BTBD8: variants seen among roughly 807,000 people sequenced by gnomAD.
BTBD8 encodes BTB domain containing 8, also known as BTB/POZ domain-containing protein 8.
BTBD8 carries 110 observed loss-of-function variants against 162.9 expected under a neutral mutation model. That is an observed-to-expected ratio of 0.68 (90% CI 0.58 to 0.79). The LOEUF (loss-of-function observed/expected upper bound fraction) is 0.79, where lower values mean the gene tolerates loss of function less well. Among genes scored for constraint, BTBD8 ranks in the 30% least tolerant of loss-of-function variants. The pLI is 0.00. For missense variants in BTBD8, 1,905 were observed against 2,085.4 expected (o/e 0.91, Z 1.68); for synonymous variants, 667 against 716.1 (o/e 0.93, Z 1.10).
In BTBD8 at chr1:92,115,622, C is replaced by G. The variant is rs143931495; in HGVS notation, c.662+7621C>G. 2.9e-3 allele frequency: 1,109 copies of G among 388,396 alleles called. 30 individuals carry two copies. Among genetic ancestry groups the G allele is most frequent in the African/African-American group, 0.021 (1,014 of 47,318 alleles). The allele number at this position is 388,396 out of a possible 1,614,324, so 24.1% of individuals were successfully genotyped here. A position where few individuals can be genotyped will look rare whatever the true frequency, so the allele number is the denominator to read the frequency against. ...TGATGTCAAGCTTCCTGTTTTCAGC[C>G]TTGACGATGCCGTGGAACTTGGCCA... On this transcript the variant is annotated intron_variant, in intron 4 of 17. Transcript: ENST00000636805.
At chr1:92,147,147 A>G in intron 7 of BTBD8, 33 bp from the exon 8 acceptor site, 1 of 1,483,156 alleles carries the variant, frequency 6.7e-7, no homozygotes, top group Non-Finnish European at 9.2e-7. Context: ...TAAATTGAAA[A>G]GGAATAAATA....
At chr1:92,118,803 C>CTTTTTTTTTTTTTTCTTTT (rs1649111805) in intron 4 of BTBD8, among the ~76,000 whole-genome samples, 1 of 95,282 alleles carries the variant, frequency 1.0e-5, no homozygotes, top group Non-Finnish European at 1.9e-5. Flanking sequence ...TTCTTTCTTT[C>CTTTTTTTTTTTTTTCTTTT]TTTTTTTTTT....
chr1:92,177,437 A>G lies in BTBD8; in HGVS notation c.2244A>G (p.Glu748=), dbSNP rs1466830883. The part of the protein sequence containing the change: ...ISTECLDEPK[E]NGSTEEEKPS... ...CTGAATGTCTGGATGAACCGAAAGA[A>G]AATGGATCAACAGAAGAAGAAAAGC... Residue 748 remains glutamate, a synonymous_variant, in exon 14 of 18, where the codon GAA becomes GAG. Transcript: ENST00000636805. The G allele has an allele frequency of 6.4e-7, 1 of 1,551,740 alleles. No homozygotes were observed. Among genetic ancestry groups the G allele is most frequent in the Admixed American group, 2.0e-5 (1 of 51,012 alleles).
At chr1:92,141,271 A>G (rs1043650167) in intron 7 of BTBD8, 60 bp downstream of exon 7, 5 of 1,499,558 alleles carry the variant, frequency 3.3e-6, no homozygotes, top group African/African-American at 1.4e-5. Context: ...ATTACCTGCT[A>G]GATTTTTAAC....
rs563717718 is a variant in BTBD8, at chr1:92,184,439, C to T, written c.*109C>T. The T allele has an allele frequency of 1.7e-4, 113 of 666,736 alleles. 2 individuals are homozygous for T. In the South Asian group the frequency reaches 2.4e-3, roughly 14 times the overall value. 41.3% of individuals were successfully genotyped at this position (666,736 alleles called of 1,614,324 possible). ...ATATAAACTTTCTTTAATATTGAGT[C>T]TTTCCAATTTAATGAGGTAAACATA... On this transcript the variant is annotated 3_prime_UTR_variant, in exon 18 of 18. Transcript: ENST00000636805.
intron 9 of BTBD8, among the ~76,000 whole-genome samples, chr1:92,162,001 CTTTT>C (rs900079794): frequency 7.7e-4 from 116 of 150,600 alleles, no homozygotes; most frequent in African/African-American, 2.7e-3. Flanking sequence ...CCCCTTCTTT[CTTTT>C]GTTTTCTAGT....
At chr1:92,125,143 A>T (rs531480970) in intron 4 of BTBD8, among the ~76,000 whole-genome samples, 1 of 152,308 alleles carries the variant, frequency 6.6e-6, no homozygotes, top group East Asian at 1.9e-4. Context: ...GTTGTTAATT[A>T]AAGAGCCTTT....
intron 4 of BTBD8, among the ~76,000 whole-genome samples, chr1:92,111,467 CATT>C (rs1648892175): frequency 6.6e-6 from 1 of 152,112 alleles, no homozygotes; most frequent in South Asian, 2.1e-4. Context: ...GTCCGAAGAT[CATT>C]GTTTTGTATG....
rs386367663 is a variant in BTBD8 at position 92,183,756 on chromosome 1, T to TG, written c.4913-108_4913-107insG. 3.7e-5 allele frequency: 6 copies of TG among 160,008 alleles called. No homozygotes were observed. The African/African-American group carries it at 7.1e-4, about 19-fold the overall frequency. The allele number at this position is 160,008 out of a possible 1,614,324, so 9.9% of individuals were successfully genotyped here. A position where few individuals can be genotyped will look rare whatever the true frequency, so the allele number is the denominator to read the frequency against. On this transcript the variant is annotated intron_variant, in intron 17 of 17. Coordinates refer to ENST00000636805, the MANE Select transcript of BTBD8 (RefSeq NM_001376131.1). Reference sequence around the variant, plus strand: ...TAGAAGTTATTTTTCCCATTCTGTGTTTTTTTTTTTTTTTGACTATCACTG... The same window carrying TG: ...TAGAAGTTATTTTTCCCATTCTGTGTGTTTTTTTTTTTTTTGACTATCACTG...
At chr1:92,182,762 T>G (rs541493638) in intron 17 of BTBD8, among the ~76,000 whole-genome samples, 167 bp downstream of exon 17, 1 of 152,280 alleles carries the variant, frequency 6.6e-6, no homozygotes, top group African/African-American at 2.4e-5. Context: ...TACTCATTCT[T>G]TATTGTTCAC....
At chr1:92,081,853 C>T (rs1457519227) in intron 1 of BTBD8, among the ~76,000 whole-genome samples, 1 of 152,174 alleles carries the variant, frequency 6.6e-6, no homozygotes, top group Non-Finnish European at 1.5e-5. Flanking sequence ...GGATTACAGG[C>T]GTGAGCCACT....
chr1:92,091,352 C>T lies in BTBD8; in HGVS notation c.347+2457C>T, dbSNP rs529759052. Among the ~76,000 whole-genome samples the T allele has an allele frequency of 2.0e-5, 3 of 152,308 alleles. No individual in the cohort carries two copies. The South Asian group carries it at 6.2e-4, about 32-fold the overall frequency. The stretch of plus-strand genomic sequence containing the variant: ...AGCTATGCTTCCATGCCTTCCTGTA[C>T]AGCCTGGGGAACTGGGAGTCAATTA... On this transcript the variant is annotated intron_variant, in intron 2 of 17. Coordinates refer to ENST00000636805, the MANE Select transcript of BTBD8 (RefSeq NM_001376131.1).
At chr1:92,096,347 A>G (rs1648450174) in intron 2 of BTBD8, among the ~76,000 whole-genome samples, 1 of 152,060 alleles carries the variant, frequency 6.6e-6, no homozygotes, top group African/African-American at 2.4e-5. Context: ...CTATCATTGT[A>G]TTACTCCCTT....
chr1:92,132,799 C>T (rs1349277074), intron 5 of BTBD8, among the ~76,000 whole-genome samples: 1 of 152,112 alleles, frequency 6.6e-6, no homozygotes, highest in East Asian at 1.9e-4. Context: ...CTTATTGACT[C>T]CTAATGTTAA....
chr1:92,168,037 T>G, intron 11 of BTBD8, 52 bp downstream of exon 11: 1 of 1,457,276 alleles, frequency 6.9e-7, no homozygotes, highest in African/African-American at 1.4e-5. Context: ...GAACTAAGAT[T>G]TTTAGATGTA....
chr1:92,174,199 C>G (rs1199622441), intron 13 of BTBD8, among the ~76,000 whole-genome samples: 2 of 151,910 alleles, frequency 1.3e-5, no homozygotes, highest in Non-Finnish European at 2.9e-5. Flanking sequence ...TTTAATTTTT[C>G]CTATTTTTTG....
intron 9 of BTBD8, among the ~76,000 whole-genome samples, chr1:92,153,224 A>G (rs1427045614): frequency 2.0e-5 from 3 of 152,184 alleles, no homozygotes; most frequent in Non-Finnish European, 4.4e-5. Context: ...GTGTGTTTGC[A>G]TATCTCACAA....
chr1:92,136,535 T>C (rs138314255), intron 5 of BTBD8, among the ~76,000 whole-genome samples: 2 of 152,174 alleles, frequency 1.3e-5, no homozygotes, highest in African/African-American at 4.8e-5. Context: ...GAAATTCTTC[T>C]GATCCTGGGG....
At chr1:92,120,481 A>G (rs948391373) in intron 4 of BTBD8, among the ~76,000 whole-genome samples, 7 of 152,222 alleles carry the variant, frequency 4.6e-5, no homozygotes, top group Non-Finnish European at 8.8e-5. Flanking sequence ...TAAAATAACA[A>G]TATAAAATGT....
Sources: allele counts gnomAD v4.1 joint callset (sites outside exome capture counted in the v4.1 genomes callset), GRCh38; gene constraint gnomAD v4.1.1; transcripts MANE v1.5; gene names NCBI Gene and HGNC (gene_info 2026-07-23, HGNC 2026-07-21).